SYT16: variants seen among roughly 807,000 people sequenced by gnomAD.
SYT16 encodes synaptotagmin-16.
SYT16 carries 42 observed loss-of-function variants against 61.4 expected under a neutral mutation model. That is an observed-to-expected ratio of 0.68 (90% CI 0.53 to 0.89). The LOEUF (loss-of-function observed/expected upper bound fraction) is 0.89. Among genes scored for constraint, SYT16 ranks in the 40% least tolerant of loss-of-function variants. SYT16 has a pLI of 0.00. For synonymous variants in SYT16, 314 were observed against 302.3 expected, an observed-to-expected ratio of 1.04 and a Z score of -0.40; for missense variants, 804 against 807.3, an observed-to-expected ratio of 1.00 and a Z score of 0.05.
intron 1 of SYT16, among the ~76,000 whole-genome samples, chr14:61,830,531 T>A (rs1037947091): frequency 6.6e-6 from 1 of 152,212 alleles, no homozygotes; most frequent in African/African-American, 2.4e-5. Context: ...CCCAAAACTT[T>A]ACTATGTTGA....
chr14:61,828,844 T>C (rs1052240715), intron 1 of SYT16, among the ~76,000 whole-genome samples: 2 of 152,214 alleles, frequency 1.3e-5, no homozygotes, highest in Non-Finnish European at 2.9e-5. Context: ...TCAAATTCTT[T>C]TTCCTTATTC....
Position 62,107,777 on chromosome 14 carries a change from T to C in SYT16, c.*7070T>C, listed in dbSNP as rs903104028. 6.6e-6 allele frequency: 1 copy of C among 152,328 alleles called. No individual in the cohort carries two copies. Among genetic ancestry groups the C allele is most frequent in the East Asian group, 1.9e-4 (1 of 5,186 alleles). 9.4% of individuals were successfully genotyped at this position (152,328 alleles called of 1,614,324 possible). Reference sequence around the variant, plus strand: ...ATTCAAAATAAATGGATATGTTTTGTATCTGGGGGAGGAAATGCATCATTC... The same window carrying C: ...ATTCAAAATAAATGGATATGTTTTGCATCTGGGGGAGGAAATGCATCATTC... On this transcript the variant is annotated 3_prime_UTR_variant, in exon 8 of 8. Coordinates refer to ENST00000683842, the MANE Select transcript of SYT16 (RefSeq NM_001367656.1).
At chr14:62,097,911 A>G (rs2057318805) in intron 7 of SYT16, among the ~76,000 whole-genome samples, 1 of 152,208 alleles carries the variant, frequency 6.6e-6, no homozygotes, top group Non-Finnish European at 1.5e-5. Flanking sequence ...TACAGGAATC[A>G]TGTAGCTATG....
chr14:61,987,801 A>T (rs937215157), intron 2 of SYT16, among the ~76,000 whole-genome samples: 14 of 151,604 alleles, frequency 9.2e-5, no homozygotes, highest in Admixed American at 6.6e-5. Context: ...TAATTAGTAT[A>T]AAAAACTTTA....
chr14:61,875,274 A>G (rs1360067311), intron 1 of SYT16, among the ~76,000 whole-genome samples: 2 of 152,106 alleles, frequency 1.3e-5, no homozygotes, highest in East Asian at 1.9e-4. Flanking sequence ...GGCTGTGTCA[A>G]CCTGTATCTC....
chr14:61,880,025 A>C (rs552231839), intron 1 of SYT16, among the ~76,000 whole-genome samples: 14 of 152,318 alleles, frequency 9.2e-5, no homozygotes, highest in Middle Eastern at 3.4e-3. Flanking sequence ...CATCGAATCC[A>C]GCACCCCACT....
chr14:62,091,465 G>A (rs574150761), intron 7 of SYT16, among the ~76,000 whole-genome samples: 2 of 152,290 alleles, frequency 1.3e-5, no homozygotes, highest in South Asian at 2.1e-4. Flanking sequence ...AAAAACAGGA[G>A]CGGTAGGAAA....
At chr14:61,858,038 T>C (rs2046829092) in intron 1 of SYT16, among the ~76,000 whole-genome samples, 1 of 147,292 alleles carries the variant, frequency 6.8e-6, no homozygotes, top group South Asian at 2.1e-4. Context: ...ACTGTTGTGT[T>C]CTCCGTAACA....
intron 3 of SYT16, among the ~76,000 whole-genome samples, chr14:62,067,098 G>A (rs2056091507): frequency 6.8e-6 from 1 of 147,192 alleles, no homozygotes; most frequent in Non-Finnish European, 1.5e-5. Flanking sequence ...GGAACCGTGT[G>A]TGTGCATGTG....
chr14:61,956,295 T>C (rs538107668), intron 1 of SYT16, among the ~76,000 whole-genome samples: 1 of 152,242 alleles, frequency 6.6e-6, no homozygotes, highest in South Asian at 2.1e-4. Flanking sequence ...GCAGAAACTT[T>C]TTAGTTTGAT....
intron 7 of SYT16, among the ~76,000 whole-genome samples, chr14:62,087,389 G>C (rs1472828621): frequency 6.6e-6 from 1 of 152,214 alleles, no homozygotes; most frequent in African/African-American, 2.4e-5. Context: ...CGCCGGCCAG[G>C]GGAACTTGTA....
intron 3 of SYT16, among the ~76,000 whole-genome samples, chr14:62,016,914 C>T (rs190996195): frequency 5.3e-5 from 8 of 152,258 alleles, no homozygotes; most frequent in African/African-American, 1.9e-4. Context: ...ATCCCTGTAT[C>T]CCATCACCAG....
chr14:62,100,959 T>G lies in SYT16; in HGVS notation c.*252T>G. On this transcript the variant is annotated 3_prime_UTR_variant, in exon 8 of 8. Coordinates refer to ENST00000683842, the MANE Select transcript of SYT16 (RefSeq NM_001367656.1). ...TACCACAATTAAGACCACTGATGAG[T>G]TAATTTGTGCCAATAGATCATTGAG... The G allele has an allele frequency of 2.4e-6, 1 of 410,614 alleles. No individual in the cohort carries two copies. Among genetic ancestry groups the G allele is most frequent in the Non-Finnish European group, 4.4e-6 (1 of 228,858 alleles). The allele number at this position is 410,614 out of a possible 1,614,324, so 25.4% of individuals were successfully genotyped here.
At chr14:61,870,866 C>G (rs2047310218) in intron 1 of SYT16, among the ~76,000 whole-genome samples, 1 of 152,110 alleles carries the variant, frequency 6.6e-6, no homozygotes, top group African/African-American at 2.4e-5. Context: ...GTTTTAACTA[C>G]CTTGCCTAAT....
At chr14:61,814,698 C>G (rs989892801) in intron 1 of SYT16, among the ~76,000 whole-genome samples, 2 of 152,154 alleles carry the variant, frequency 1.3e-5, no homozygotes, top group Middle Eastern at 3.2e-3. Flanking sequence ...TCTTTCTTAG[C>G]TGAGATGGAG....
intron 1 of SYT16, among the ~76,000 whole-genome samples, chr14:61,922,756 G>A (rs922202460): frequency 5.3e-5 from 8 of 152,096 alleles, no homozygotes; most frequent in African/African-American, 1.9e-4. Context: ...ACAAAGAAGT[G>A]GACTATTTGT....
At chr14:61,936,485 T>TA (rs1264140806) in intron 1 of SYT16, among the ~76,000 whole-genome samples, 5 of 152,156 alleles carry the variant, frequency 3.3e-5, no homozygotes, top group African/African-American at 1.2e-4. Flanking sequence ...AGTTCACTAA[T>TA]CATCAGTGGT....
At chr14:62,091,260 C>T (rs1160439092) in intron 7 of SYT16, among the ~76,000 whole-genome samples, 1 of 152,024 alleles carries the variant, frequency 6.6e-6, no homozygotes, top group Non-Finnish European at 1.5e-5. Context: ...ATTTTGTTCC[C>T]TGAGTGAAGG....
intron 3 of SYT16, among the ~76,000 whole-genome samples, chr14:62,037,372 C>T (rs1050848398): frequency 2.6e-5 from 4 of 152,146 alleles, no homozygotes; most frequent in African/African-American, 2.4e-5. Context: ...AAAGTTTACA[C>T]GTCTTTATTA....
Sources: allele counts gnomAD v4.1 joint callset (sites outside exome capture counted in the v4.1 genomes callset), GRCh38; gene constraint gnomAD v4.1.1; transcripts MANE v1.5; gene names NCBI Gene and HGNC (gene_info 2026-07-23, HGNC 2026-07-21).